Variants in MACROD2 observed in about 807,000 individuals in gnomAD.
The protein encoded by MACROD2 is mono-ADP ribosylhydrolase 2.
In MACROD2, 36 loss-of-function variants were observed where a neutral mutation model predicts 70.4. That is an observed-to-expected ratio of 0.51 (90% CI 0.39 to 0.68). The LOEUF is 0.68. Among genes scored for constraint, MACROD2 ranks in the 30% least tolerant of loss-of-function variants. The pLI is 0.00. For missense variants in MACROD2, 496 were observed against 538.4 expected (o/e 0.92, Z 0.78); for synonymous variants, 172 against 178.8 (o/e 0.96, Z 0.30).
At chr20:14,768,755 T>G (rs530894142) in intron 5 of MACROD2, among the ~76,000 whole-genome samples, 1 of 152,192 alleles carries the variant, frequency 6.6e-6, no homozygotes, top group East Asian at 1.9e-4. Flanking sequence ...TAGCTGGGAT[T>G]ACAGGCCTGC....
At chr20:14,678,711 A>T (rs1468998677) in intron 4 of MACROD2, among the ~76,000 whole-genome samples, 1 of 152,136 alleles carries the variant, frequency 6.6e-6, no homozygotes, top group African/African-American at 2.4e-5. Context: ...TCTTGCCACT[A>T]TTCAGCCTGC....
intron 6 of MACROD2, among the ~76,000 whole-genome samples, chr20:15,279,325 G>C (rs879705526): frequency 2.6e-5 from 4 of 152,080 alleles, no homozygotes; most frequent in Non-Finnish European, 4.4e-5. Context: ...GAACACCAGG[G>C]ATTTGCAGGA....
chr20:15,242,096 C>A (rs2077065118), intron 6 of MACROD2, among the ~76,000 whole-genome samples: 1 of 152,158 alleles, frequency 6.6e-6, no homozygotes, highest in African/African-American at 2.4e-5. Flanking sequence ...GATATGTCAA[C>A]ATTATGAACC....
intron 8 of MACROD2, among the ~76,000 whole-genome samples, chr20:15,558,123 G>A (rs181816203): frequency 8.5e-5 from 13 of 152,284 alleles, no homozygotes; most frequent in East Asian, 3.9e-4. Context: ...CTCTACTATC[G>A]TGTCAATGGA....
intron 3 of MACROD2, among the ~76,000 whole-genome samples, chr20:14,413,760 C>G (rs2083773716): frequency 6.6e-6 from 1 of 152,020 alleles, no homozygotes; most frequent in South Asian, 2.1e-4. Context: ...ACAGAAGTAC[C>G]ATGTACCATG....
At position 14,862,242 on chromosome 20, in the gene MACROD2, T is replaced by A. The variant is rs1433666829; in HGVS notation, c.418+177283T>A. On this transcript the variant is annotated intron_variant, in intron 5 of 17. Transcript: ENST00000684519. ...ATATAAATATATATAAATATATATT[T>A]ATATATTAATATATATAAATATATT... Among the ~76,000 whole-genome samples, 9 of 43,662 alleles carry A rather than the reference T, an allele frequency of 2.1e-4. 1 individual carries two copies. Among genetic ancestry groups the A allele is most frequent in the Non-Finnish European group, 2.8e-4 (7 of 25,398 alleles). The allele number at this position is 43,662 out of a possible 152,430, so 28.6% of individuals were successfully genotyped here. A position where few individuals can be genotyped will look rare whatever the true frequency, so the allele number is the denominator to read the frequency against.
rs201986399 is a variant in MACROD2 at position 14,826,223 on chromosome 20, T to TA, written c.418+141276dup. On this transcript the variant is annotated intron_variant, in intron 5 of 17. Coordinates refer to ENST00000684519, the MANE Select transcript of MACROD2 (RefSeq NM_001351661.2). ...CAAACACTCAGAAATAAACACTAGT[T>TA]AAAAAAAAAAAATGAAACACAAGCC... Among the ~76,000 whole-genome samples the TA allele has an allele frequency of 3.5e-3, 509 of 145,700 alleles. 4 individuals are homozygous for TA. The highest frequency in any genetic ancestry group is 1.0e-2 in the South Asian group (46 of 4,614).
chr20:15,501,641 A>G (rs2047365950), intron 8 of MACROD2, among the ~76,000 whole-genome samples: 1 of 152,134 alleles, frequency 6.6e-6, no homozygotes, highest in Admixed American at 6.5e-5. Context: ...AAATATAGAT[A>G]ATTTGGATTG....
At chr20:15,234,153 T>A (rs1202893440) in intron 6 of MACROD2, among the ~76,000 whole-genome samples, 1 of 137,770 alleles carries the variant, frequency 7.3e-6, no homozygotes, top group African/African-American at 2.7e-5. Flanking sequence ...TGCCTCAGCC[T>A]CCCGAGTAGC....
chr20:15,678,553 G>T (rs1338000582), intron 8 of MACROD2, among the ~76,000 whole-genome samples: 1 of 152,086 alleles, frequency 6.6e-6, no homozygotes. Context: ...TAGAGACGAG[G>T]TTTCGTTATG....
intron 15 of MACROD2, among the ~76,000 whole-genome samples, chr20:15,993,235 T>A (rs965484253): frequency 3.8e-4 from 4 of 10,416 alleles, no homozygotes; most frequent in Non-Finnish European, 1.1e-3. Context: ...ATTTGAAGAG[T>A]GTGTGTGTGT....
chr20:15,526,213 G>A (rs538180291), intron 8 of MACROD2, among the ~76,000 whole-genome samples: 11 of 152,022 alleles, frequency 7.2e-5, no homozygotes, highest in African/African-American at 1.7e-4. Context: ...ATGCTGTGGC[G>A]GACACCAAAC....
intron 17 of MACROD2, among the ~76,000 whole-genome samples, chr20:16,048,806 G>A (rs555026055): frequency 1.2e-4 from 18 of 152,254 alleles, no homozygotes; most frequent in Admixed American, 1.0e-3. Flanking sequence ...TTCTGTTCCC[G>A]AGTATTTGAG....
At chr20:15,247,355 T>C (rs1483451433) in intron 6 of MACROD2, among the ~76,000 whole-genome samples, 1 of 152,200 alleles carries the variant, frequency 6.6e-6, no homozygotes, top group Admixed American at 6.5e-5. Context: ...CGCAACTTGA[T>C]AAAGAGAGTT....
At chr20:15,535,599 T>C (rs139239737) in intron 8 of MACROD2, among the ~76,000 whole-genome samples, 1 of 152,320 alleles carries the variant, frequency 6.6e-6, no homozygotes, top group East Asian at 1.9e-4. Context: ...AATCTCTGCC[T>C]TGACTGTATC....
chr20:14,763,982 A>C (rs189868482), intron 5 of MACROD2, among the ~76,000 whole-genome samples: 1 of 152,076 alleles, frequency 6.6e-6, no homozygotes, highest in Non-Finnish European at 1.5e-5. Flanking sequence ...AAGGATCTGC[A>C]CTGAGTATTT....
intron 6 of MACROD2, among the ~76,000 whole-genome samples, chr20:15,278,646 G>A (rs1023522253): frequency 2.6e-5 from 4 of 152,086 alleles, no homozygotes; most frequent in South Asian, 2.1e-4. Flanking sequence ...CATAATATTG[G>A]CATCATGATT....
intron 3 of MACROD2, among the ~76,000 whole-genome samples, chr20:14,361,965 G>A (rs1013286712): frequency 5.9e-5 from 9 of 152,092 alleles, no homozygotes; most frequent in East Asian, 5.8e-4. Flanking sequence ...ATTTATTGAC[G>A]TCTCTGGTTT....
intron 8 of MACROD2, among the ~76,000 whole-genome samples, chr20:15,647,324 G>C (rs550157353): frequency 2.4e-4 from 36 of 152,296 alleles, no homozygotes; most frequent in African/African-American, 7.9e-4. Context: ...CTGGGCAAAA[G>C]CACAGGGGCA....
Sources: allele counts gnomAD v4.1 joint callset (sites outside exome capture counted in the v4.1 genomes callset), GRCh38; gene constraint gnomAD v4.1.1; transcripts MANE v1.5; gene names NCBI Gene and HGNC (gene_info 2026-07-23, HGNC 2026-07-21).